CIITA: variants seen among roughly 807,000 people sequenced by gnomAD.
The protein encoded by CIITA is class II major histocompatibility complex transactivator.
CIITA carries 72 observed loss-of-function variants against 115.1 expected under a neutral mutation model. The ratio of observed to expected loss-of-function variants is 0.63; its 90% CI spans 0.52 to 0.76. The LOEUF (loss-of-function observed/expected upper bound fraction) is 0.76, where lower values mean the gene tolerates loss of function less well. Ranked by LOEUF, CIITA falls within the 30% of genes least tolerant of loss-of-function variation. CIITA has a pLI of 0.00. For missense variants in CIITA, 1,617 were observed against 1,463.8 expected, an observed-to-expected ratio of 1.10 and a Z score of -1.71; for synonymous variants, 763 against 635.6, an observed-to-expected ratio of 1.20 and a Z score of -3.02.
intron 1 of CIITA, among the ~76,000 whole-genome samples, chr16:10,880,489 T>G (rs1404462315): frequency 6.6e-6 from 1 of 152,178 alleles, no homozygotes; most frequent in Non-Finnish European, 1.5e-5. Flanking sequence ...TTGTTTTGTT[T>G]TGCTTAACGC....
chr16:10,911,439 CTTCT>C (rs768700052), intron 13 of CIITA, among the ~76,000 whole-genome samples: 132 of 140,172 alleles, frequency 9.4e-4, no homozygotes, highest in Admixed American at 2.1e-3. Context: ...TCTTTCTTTC[CTTCT>C]TTTCTTTCTT....
chr16:10,899,867 G>A (rs2038530848), intron 5 of CIITA, among the ~76,000 whole-genome samples: 1 of 152,284 alleles, frequency 6.6e-6, no homozygotes, highest in South Asian at 2.1e-4. Context: ...ATCACTTGAG[G>A]TCAGGAGTTT....
In CIITA at chr16:10,904,768, G is replaced by T. The variant is rs747101944; in HGVS notation, c.962G>T (p.Cys321Phe). The T allele has an allele frequency of 6.2e-7, 1 of 1,614,136 alleles. No individual in the cohort carries two copies. ...GAGCACAAGACGTCCCCCACCCAAT[G>T]CCCGGCAGCTGGAGAGGTCTCCAAC... ...MTEHKTSPTQ[C>F]PAAGEVSNKL... The change falls in exon 10 of 20, where the codon TGC becomes TTC. Residue 321 changes from cysteine (C) to phenylalanine (F), a missense_variant. Cys to Phe is a radical substitution (Grantham distance 205, BLOSUM62 -2). Transcript: ENST00000324288.
intron 1 of CIITA, among the ~76,000 whole-genome samples, chr16:10,880,290 C>T (rs1026077210): frequency 6.6e-6 from 1 of 152,092 alleles, no homozygotes; most frequent in South Asian, 2.1e-4. Context: ...CCCCCAGGCC[C>T]GGTTGGCTAG....
rs939322102 is a variant in CIITA, at chr16:10,920,428, G to T, written c.3150-1739G>T. Among the ~76,000 whole-genome samples the T allele has an allele frequency of 1.3e-5, 2 of 152,170 alleles. No individual in the cohort carries two copies. The highest frequency in any genetic ancestry group is 1.3e-4 in the Admixed American group (2 of 15,286). On this transcript the variant is annotated intron_variant, in intron 16 of 19. Transcript: ENST00000324288. This position sits in a 1 kb window ranked among gnomAD's most constrained non-coding sequence, Gnocchi z 4.5. ...ACACCAGGCTATTTTTGTGTTTTCA[G>T]TAGAGACAGGGCTTCGCCATGTGGC...
At chr16:10,874,405 T>C (rs1263466545), upstream of CIITA, among the ~76,000 whole-genome samples, 12 of 152,124 alleles carry the variant, frequency 7.9e-5, no homozygotes, top group Non-Finnish European at 1.5e-4. Flanking sequence ...GAGGTTGTCA[T>C]TCTGCCTCTG....
chr16:10,933,474 G>A lies in CIITA; in HGVS notation c.*9619G>A, dbSNP rs1428907429. The A allele has an allele frequency of 6.6e-6, 1 of 152,274 alleles. No individual in the cohort carries two copies. The highest frequency in any genetic ancestry group is 1.9e-4 in the East Asian group (1 of 5,196). 9.4% of individuals were successfully genotyped at this position (152,274 alleles called of 1,614,324 possible). On this transcript the variant is annotated 3_prime_UTR_variant, in exon 20 of 20. Coordinates refer to ENST00000324288, the MANE Select transcript of CIITA (RefSeq NM_000246.4). Reference sequence around the variant, plus strand: ...TGCATTTAGCCTGTCTGTGCTGATTGTGGTTCTGCCCCTTCCTGGCTGTGT... The same window carrying A: ...TGCATTTAGCCTGTCTGTGCTGATTATGGTTCTGCCCCTTCCTGGCTGTGT...
Position 10,942,066 on chromosome 16 carries a change from G to A in CIITA, n.1192G>A, listed in dbSNP as rs2041110291. 7.6e-7 allele frequency: 1 copy of A among 1,313,914 alleles called. No homozygotes were observed. Among genetic ancestry groups the A allele is most frequent in the East Asian group, 3.2e-5 (1 of 30,992 alleles). 81.4% of individuals were successfully genotyped at this position (1,313,914 alleles called of 1,614,324 possible). A position where few individuals can be genotyped will look rare whatever the true frequency, so the allele number is the denominator to read the frequency against. On this transcript the variant is annotated non_coding_transcript_exon_variant, in exon 2 of 2. Transcript: ENST00000573379. This position sits in a 1 kb window ranked among gnomAD's most constrained non-coding sequence, Gnocchi z 5.0. ...GGCGAACTCAGCCGCTGCGGCGCCC[G>A]GGCGGCCGGCGAGGGCACAGCGCAG... is the stretch of plus-strand genomic sequence containing the variant.
upstream of CIITA, among the ~76,000 whole-genome samples, chr16:10,875,871 G>A (rs567749361): frequency 2.6e-4 from 39 of 152,294 alleles, no homozygotes; most frequent in African/African-American, 8.4e-4. Flanking sequence ...AAATTAGCTG[G>A]ATGTAGGAGA....
At chr16:10,895,842 C>A (rs2038073113) in intron 3 of CIITA, 78 bp downstream of exon 3, 1 of 1,356,938 alleles carries the variant, frequency 7.4e-7, no homozygotes, top group South Asian at 1.2e-5. Context: ...ATCACCCATT[C>A]ATCATGAGCC....
chr16:10,887,165 A>G (rs1199077343), intron 1 of CIITA, among the ~76,000 whole-genome samples: 2 of 152,296 alleles, frequency 1.3e-5, no homozygotes, highest in East Asian at 3.9e-4. Flanking sequence ...GTAGATAGGC[A>G]TTCCTAGGCC....
intron 12 of CIITA, 43 bp downstream of exon 12, chr16:10,909,230 T>G (rs757540848): frequency 6.2e-7 from 1 of 1,604,560 alleles, no homozygotes; most frequent in African/African-American, 1.3e-5. Flanking sequence ...GCCATGCAGG[T>G]TGAGGACATG....
In CIITA at chr16:10,903,783, C is replaced by T. The variant is rs746766830; in HGVS notation, c.825C>T (p.His275=). The T allele has an allele frequency of 3.2e-5, 52 of 1,614,074 alleles. No individual in the cohort carries two copies. The highest frequency in any genetic ancestry group is 8.3e-5 in the Admixed American group (5 of 60,006). ...CCCCTCCCAGTGGATTCACTGTCCA[C>T]GGCCTCCCAACATCTCCAGACCGGC... The part of the protein sequence containing the change: ...QVPPPSGFTV[H]GLPTSPDRPG... The change falls in exon 9 of 20, where the codon CAC becomes CAT. Residue 275 remains histidine, a synonymous_variant. Coordinates refer to ENST00000324288, the MANE Select transcript of CIITA (RefSeq NM_000246.4).
chr16:10,941,519 C>T lies in CIITA; in HGVS notation n.645C>T. 1 of 1,396,038 alleles carries T rather than the reference C, an allele frequency of 7.2e-7. No homozygotes were observed. The highest frequency in any genetic ancestry group is 9.3e-7 in the Non-Finnish European group (1 of 1,072,162). 86.5% of individuals were successfully genotyped at this position (1,396,038 alleles called of 1,614,324 possible). ...TCCGGCCTGGGAATTCCTCCCTCTCCCTTGCTAGCGCCCCAACCCGCCCTC... is the reference window on the plus strand; with the variant it reads ...TCCGGCCTGGGAATTCCTCCCTCTCTCTTGCTAGCGCCCCAACCCGCCCTC... On this transcript the variant is annotated non_coding_transcript_exon_variant, in exon 2 of 2. Coordinates refer to the CIITA transcript ENST00000573379. This position sits in a 1 kb window ranked among gnomAD's most constrained non-coding sequence, Gnocchi z 6.4.
At chr16:10,886,868 C>G (rs1394278340) in intron 1 of CIITA, among the ~76,000 whole-genome samples, 1 of 152,160 alleles carries the variant, frequency 6.6e-6, no homozygotes, top group Non-Finnish European at 1.5e-5. Context: ...GCACCCTTAA[C>G]CACTATGCTA....
chr16:10,900,902 A>T (rs13333382), intron 5 of CIITA, among the ~76,000 whole-genome samples: 9,216 of 152,024 alleles, frequency 0.061, 853 homozygotes, highest in East Asian at 0.33. Flanking sequence ...CCATCCACAC[A>T]CCCATTCATT....
At chr16:10,871,119 G>A (rs116661967) in intron 1 of CIITA, among the ~76,000 whole-genome samples, 2,083 of 152,268 alleles carry the variant, frequency 0.014, 46 homozygotes, top group African/African-American at 0.047. Flanking sequence ...AGCACTTCCC[G>A]GGCGCCCCGC....
rs2039268206 is a variant in CIITA, at chr16:10,907,659, G to A, written c.2167G>A (p.Ala723Thr). The A allele has an allele frequency of 1.2e-6, 2 of 1,614,114 alleles. No homozygotes were observed. Among genetic ancestry groups the A allele is most frequent in the Non-Finnish European group, 1.7e-6 (2 of 1,180,050 alleles). Residue 723 changes from alanine (A) to threonine (T), a missense_variant, in exon 11 of 20, where the codon GCT becomes ACT. Transcript: ENST00000324288. The surrounding 1 kb of genome is among the most constrained non-coding windows in gnomAD (Gnocchi z 5.0). The stretch of plus-strand genomic sequence containing the variant: ...ATGCTTCCTGGGGGCCCTGTGGCTG[G>A]CTCTGAGTGGCGAAATCAAGGACAA... The part of the protein sequence containing the change: ...LQCFLGALWL[A>T]LSGEIKDKEL...
chr16:10,881,039 C>T (rs1404039728), intron 1 of CIITA, among the ~76,000 whole-genome samples: 2 of 152,052 alleles, frequency 1.3e-5, no homozygotes, highest in Admixed American at 6.6e-5. Context: ...TTTGGGAGGC[C>T]GAGGCGGGTG....
Sources: allele counts gnomAD v4.1 joint callset (sites outside exome capture counted in the v4.1 genomes callset), GRCh38; gene constraint gnomAD v4.1.1; non-coding constraint Gnocchi (gnomAD v3.1); transcripts MANE v1.5; gene names NCBI Gene and HGNC (gene_info 2026-07-23, HGNC 2026-07-21).